Variants in GALNS observed in about 807,000 individuals in gnomAD.
GALNS encodes the protein N-acetylgalactosamine-6-sulfatase.
A neutral mutation model predicts 65.9 loss-of-function variants in GALNS; 65 were observed. That is an observed-to-expected ratio of 0.99 (90% CI 0.81 to 1.21). The LOEUF is 1.21. GALNS is among the 50% of genes most tolerant of loss of function. GALNS has a pLI of 0.00. For synonymous variants in GALNS, 346 were observed against 288.9 expected (o/e 1.20, Z -2.00); for missense variants, 776 against 700.7 (o/e 1.11, Z -1.21).
At chr16:88,835,561 C>G (rs1487090133) in intron 7 of GALNS, among the ~76,000 whole-genome samples, 164 bp downstream of exon 7, 1 of 152,230 alleles carries the variant, frequency 6.6e-6, no homozygotes, top group Non-Finnish European at 1.5e-5. Context: ...CCCACCACAG[C>G]CCTCCTCTGC....
intron 1 of GALNS, among the ~76,000 whole-genome samples, chr16:88,850,684 C>A (rs977460797): frequency 2.8e-4 from 43 of 152,328 alleles, no homozygotes; most frequent in African/African-American, 1.0e-3. Flanking sequence ...GGGAGACCAG[C>A]CGCAGCGTGG....
chr16:88,855,235 C>T (rs952085927), intron 1 of GALNS: 4 of 698,996 alleles, frequency 5.7e-6, no homozygotes, highest in South Asian at 1.5e-5. Context: ...ACCCCTCTGT[C>T]CTCTGAGAAA....
At chr16:88,817,330 T>C in intron 13 of GALNS, 1 of 985,446 alleles carries the variant, frequency 1.0e-6, no homozygotes, top group Non-Finnish European at 1.2e-6. Flanking sequence ...TTCTGGCCGA[T>C]GCTGGCGTGA....
At chr16:88,816,568 A>C in intron 13 of GALNS, 3 of 964,614 alleles carry the variant, frequency 3.1e-6, no homozygotes, top group Non-Finnish European at 3.7e-6. Flanking sequence ...CCCAGTCCTA[A>C]ATAACCCTGC....
chr16:88,856,895 C>G lies in GALNS; in HGVS notation c.-18G>C. ...GCCGCCATGGCAACCACGGGAGCCG[C>G]GGAGCCCCGGCCAGCGAGCCGACCT... On this transcript the variant is annotated 5_prime_UTR_variant, in exon 1 of 14. Transcript: ENST00000268695. 6.7e-7 allele frequency: 1 copy of G among 1,501,954 alleles called. No individual in the cohort carries two copies. Among genetic ancestry groups the G allele is most frequent in the Non-Finnish European group, 8.8e-7 (1 of 1,133,980 alleles). 93.0% of individuals were successfully genotyped at this position (1,501,954 alleles called of 1,614,324 possible).
chr16:88,830,980 A>G (rs1911442709), intron 9 of GALNS, among the ~76,000 whole-genome samples: 1 of 152,190 alleles, frequency 6.6e-6, no homozygotes, highest in African/African-American at 2.4e-5. Flanking sequence ...CAGCATGCTA[A>G]AGGCACTGAT....
At position 88,814,533 on chromosome 16, in the gene GALNS, A is replaced by C; in HGVS notation, c.1483-8T>G. 1 of 1,553,078 alleles carries C rather than the reference A, an allele frequency of 6.4e-7. No individual in the cohort carries two copies. Among genetic ancestry groups the C allele is most frequent in the African/African-American group, 1.4e-5 (1 of 73,406 alleles). ...GCCCGGAGGTGCCCAGTTCTGGGAA[A>C]TGAAAATTGAGAAAAAGAACATGCA... On this transcript the variant is annotated splice_region_variant and splice_polypyrimidine_tract_variant and intron_variant, in intron 13 of 13. Transcript: ENST00000268695.
Position 88,841,861 on chromosome 16 carries a change from C to T in GALNS, c.319+36G>A, listed in dbSNP as rs768386851. ...CGTAGCCCACCTGCCCAACCCTGCA[C>T]CCCAAGGGTGTCCCTGGAGGCGGTG... On this transcript the variant is annotated intron_variant, in intron 3 of 13. Coordinates refer to ENST00000268695, the MANE Select transcript of GALNS (RefSeq NM_000512.5). 35 of 1,592,900 alleles carry T rather than the reference C, an allele frequency of 2.2e-5. 1 individual carries two copies. The South Asian group carries it at 3.8e-4, about 17-fold the overall frequency.
At chr16:88,816,399 G>C in intron 13 of GALNS, 1 of 985,430 alleles carries the variant, frequency 1.0e-6, no homozygotes, top group South Asian at 4.7e-5. Context: ...AGACTCAGGG[G>C]TCCTGAGACA....
chr16:88,841,892 C>G lies in GALNS; in HGVS notation c.319+5G>C. 1 of 1,611,932 alleles carries G rather than the reference C, an allele frequency of 6.2e-7. No individual in the cohort carries two copies. Among genetic ancestry groups the G allele is most frequent in the Non-Finnish European group, 8.5e-7 (1 of 1,179,148 alleles). ...GGGTGTCCCTGGAGGCGGTGGGCAG[C>G]CTACCGTTTCTGGCATGGGCGTTGG... On this transcript the variant is annotated splice_donor_5th_base_variant and intron_variant, in intron 3 of 13. Coordinates refer to ENST00000268695, the MANE Select transcript of GALNS (RefSeq NM_000512.5).
In GALNS at chr16:88,830,487, C is replaced by G. The variant is rs560264776; in HGVS notation, c.1002+1511G>C. Among the ~76,000 whole-genome samples, 57 of 107,900 alleles carry G rather than the reference C, an allele frequency of 5.3e-4. No individual in the cohort carries two copies. The East Asian group carries it at 8.0e-3, about 15-fold the overall frequency. 70.8% of individuals were successfully genotyped at this position (107,900 alleles called of 152,430 possible). A position where few individuals can be genotyped will look rare whatever the true frequency, so the allele number is the denominator to read the frequency against. On this transcript the variant is annotated intron_variant, in intron 9 of 13. Coordinates refer to ENST00000268695, the MANE Select transcript of GALNS (RefSeq NM_000512.5). ...TGATGTTCCAGCTGCCACTGGGAGC[C>G]CCCCCCATCCTCGTGGGGCCACTTG... is the stretch of plus-strand genomic sequence containing the variant.
chr16:88,818,189 T>C (rs1597524674), intron 12 of GALNS, 65 bp from the exon 13 acceptor site: 1 of 1,306,312 alleles, frequency 7.7e-7, no homozygotes, highest in Non-Finnish European at 1.1e-6. Context: ...GGGGCTGGCC[T>C]GGACAGGCTG....
In GALNS at chr16:88,847,665, T is replaced by C. The variant is rs112445975; in HGVS notation, c.121-4836A>G. ...CTCCACAGTTCACCACGACAGGGAC[T>C]AGAGTCTGATCGCTGATTGTCTAAG... On this transcript the variant is annotated intron_variant, in intron 1 of 13. Coordinates refer to ENST00000268695, the MANE Select transcript of GALNS (RefSeq NM_000512.5). 3.6e-3 allele frequency among the ~76,000 whole-genome samples: 550 copies of C among 152,342 alleles called. 2 individuals carry two copies. Among genetic ancestry groups the C allele is most frequent in the African/African-American group, 0.012 (515 of 41,570 alleles).
At chr16:88,844,662 A>T (rs1967153875) in intron 1 of GALNS, 1 of 152,334 alleles carries the variant, frequency 6.6e-6, no homozygotes. Flanking sequence ...AACACCTGGG[A>T]AAGACAACAC....
At chr16:88,840,180 C>T (rs113149285) in intron 4 of GALNS, among the ~76,000 whole-genome samples, 8 of 152,356 alleles carry the variant, frequency 5.3e-5, no homozygotes, top group African/African-American at 1.4e-4. Flanking sequence ...TAGACAGCCT[C>T]TGGGTCCTCC....
rs374453208 is a variant in GALNS, at chr16:88,836,864, G to A, written c.567-597C>T. 4.7e-3 allele frequency among the ~76,000 whole-genome samples: 713 copies of A among 152,288 alleles called. 13 individuals are homozygous for A. Among genetic ancestry groups the A allele is most frequent in the East Asian group, 0.014 (73 of 5,178 alleles). On this transcript the variant is annotated intron_variant, in intron 5 of 13. Coordinates refer to ENST00000268695, the MANE Select transcript of GALNS (RefSeq NM_000512.5). ...GGCAGTGAGGCGGCTGTGGTCACTC[G>A]GCTGGGGCTGGGGAGCCGCCGCTCA...
chr16:88,815,528 C>T, intron 13 of GALNS: 5 of 985,466 alleles, frequency 5.1e-6, no homozygotes, highest in Non-Finnish European at 4.8e-6. Flanking sequence ...GATGGGAGGG[C>T]ACTTTTCCTG....
At position 88,856,750 on chromosome 16, in the gene GALNS, G is replaced by T; in HGVS notation, c.120+8C>A. Reference sequence around the variant, plus strand: ...CCGGCCCTGCCCCGTCCCACCGCCCGCACTCACGTCGTCCATGAGCAGGAG... The same window carrying T: ...CCGGCCCTGCCCCGTCCCACCGCCCTCACTCACGTCGTCCATGAGCAGGAG... On this transcript the variant is annotated splice_region_variant and intron_variant, in intron 1 of 13. Coordinates refer to ENST00000268695, the MANE Select transcript of GALNS (RefSeq NM_000512.5). The T allele has an allele frequency of 9.2e-7, 1 of 1,084,624 alleles. No homozygotes were observed. The highest frequency in any genetic ancestry group is 1.4e-5 in the South Asian group (1 of 73,904). The allele number at this position is 1,084,624 out of a possible 1,614,324, so 67.2% of individuals were successfully genotyped here.
At chr16:88,850,779 G>C (rs566020675) in intron 1 of GALNS, among the ~76,000 whole-genome samples, 1 of 152,364 alleles carries the variant, frequency 6.6e-6, no homozygotes, top group African/African-American at 2.4e-5. Flanking sequence ...GCGAGACTCA[G>C]TTCCCAGGGC....
Sources: allele counts gnomAD v4.1 joint callset (sites outside exome capture counted in the v4.1 genomes callset), GRCh38; gene constraint gnomAD v4.1.1; transcripts MANE v1.5; gene names NCBI Gene and HGNC (gene_info 2026-07-23, HGNC 2026-07-21).